The following TLN2 variants were observed in gnomAD, a reference collection of about 807,000 sequenced individuals.
TLN2 encodes talin 2, also known as talin-2.
Under a neutral mutation model 294.7 loss-of-function variants are expected in TLN2, and 118 were observed. The ratio of observed to expected loss-of-function variants is 0.40; its 90% CI spans 0.34 to 0.47. TLN2 has a LOEUF of 0.47. TLN2 is among the 20% of genes least tolerant of loss of function. The probability of loss-of-function intolerance (pLI) is 0.84; values close to 1 mark genes in which losing one functional copy is unlikely to be tolerated. For missense variants in TLN2, 3,083 were observed against 3,282.2 expected, an observed-to-expected ratio of 0.94 and a Z score of 1.48; for synonymous variants, 1,431 against 1,304.5, an observed-to-expected ratio of 1.10 and a Z score of -2.09.
intron 1 of TLN2, among the ~76,000 whole-genome samples, chr15:62,481,824 G>GTC (rs1453386089): frequency 7.6e-6 from 1 of 132,450 alleles, no homozygotes; most frequent in African/African-American, 2.9e-5. Flanking sequence ...TTAAGACGGA[G>GTC]TCTCTCTCTC....
chr15:62,601,822 T>A lies in TLN2; in HGVS notation c.-162+12060T>A, dbSNP rs989812140. Among the ~76,000 whole-genome samples the A allele has an allele frequency of 2.0e-5, 3 of 152,336 alleles. No individual in the cohort carries two copies. In the East Asian group the frequency reaches 5.8e-4, roughly 29 times the overall value. On this transcript the variant is annotated intron_variant, in intron 2 of 58. Coordinates refer to ENST00000636159, the MANE Select transcript of TLN2 (RefSeq NM_015059.3). ...TCCAAAAGAGATCACTGAGACTTTA[T>A]TTCTTTTTTTAGCGTAATTTAATTG...
At chr15:62,581,042 C>T (rs1323484334) in intron 1 of TLN2, among the ~76,000 whole-genome samples, 1 of 152,000 alleles carries the variant, frequency 6.6e-6, no homozygotes, top group Non-Finnish European at 1.5e-5. Flanking sequence ...CACCACCATG[C>T]CCGGCTAATT....
At chr15:62,494,593 C>T (rs919765235) in intron 1 of TLN2, among the ~76,000 whole-genome samples, 2 of 151,980 alleles carry the variant, frequency 1.3e-5, no homozygotes, top group Admixed American at 6.6e-5. Flanking sequence ...TTAAATTGTC[C>T]GTAACTTTTA....
intron 9 of TLN2, 163 bp downstream of exon 9, chr15:62,658,061 G>T (rs959031442): frequency 1.8e-5 from 11 of 627,798 alleles, no homozygotes; most frequent in South Asian, 2.9e-5. Flanking sequence ...TGCAGATTTT[G>T]GGGAAAGCAA....
At chr15:62,833,826 C>T (rs573059795) in intron 55 of TLN2, 197 bp downstream of exon 55, 2 of 637,704 alleles carry the variant, frequency 3.1e-6, no homozygotes, top group East Asian at 3.1e-5. Context: ...GGCTTCTGGG[C>T]CTCTCATCTG....
At chr15:62,781,053 T>TAG in intron 43 of TLN2, 87 bp from the exon 44 acceptor site, 2 of 1,011,632 alleles carry the variant, frequency 2.0e-6, no homozygotes. Flanking sequence ...GCCCTCTCTG[T>TAG]TTTTCAAAGT....
At chr15:62,770,913 A>G (rs769830928) in intron 41 of TLN2, 51 bp from the exon 42 acceptor site, 2 of 1,561,128 alleles carry the variant, frequency 1.3e-6, no homozygotes, top group Non-Finnish European at 1.7e-6. Context: ...CCTGAAGGAG[A>G]CACGTGTATT....
chr15:62,789,483 C>G (rs1334330692), intron 45 of TLN2, among the ~76,000 whole-genome samples: 1 of 152,144 alleles, frequency 6.6e-6, no homozygotes, highest in East Asian at 1.9e-4. Context: ...AGGGGCCGGG[C>G]AGCAGGGCAC....
intron 1 of TLN2, among the ~76,000 whole-genome samples, chr15:62,569,322 A>G (rs1044787121): frequency 6.6e-6 from 1 of 152,206 alleles, no homozygotes; most frequent in Non-Finnish European, 1.5e-5. Context: ...TTCAACTCCT[A>G]CAGGCCAGAG....
At chr15:62,762,736 T>C (rs975902735) in intron 39 of TLN2, among the ~76,000 whole-genome samples, 1 of 152,152 alleles carries the variant, frequency 6.6e-6, no homozygotes, top group African/African-American at 2.4e-5. Flanking sequence ...GATGAAAAAA[T>C]TTAGGCAGAA....
intron 1 of TLN2, among the ~76,000 whole-genome samples, chr15:62,521,294 G>T (rs1250873850): frequency 2.6e-5 from 4 of 152,130 alleles, no homozygotes; most frequent in Non-Finnish European, 2.9e-5. Context: ...CCGTGAGGGT[G>T]GGGGGTACAG....
intron 11 of TLN2, among the ~76,000 whole-genome samples, chr15:62,678,951 A>G (rs1379737385): frequency 2.0e-5 from 3 of 152,038 alleles, no homozygotes; most frequent in Non-Finnish European, 4.4e-5. Flanking sequence ...GGGGAAAATC[A>G]TTGCTTTAGC....
At chr15:62,636,168 T>C (rs183660986) in intron 3 of TLN2, among the ~76,000 whole-genome samples, 106 of 152,228 alleles carry the variant, frequency 7.0e-4, no homozygotes, top group African/African-American at 2.4e-3. Context: ...TTCAGAAGGA[T>C]GGGAAAATTA....
chr15:62,553,059 TTAAAA>T (rs1206456498), intron 1 of TLN2, among the ~76,000 whole-genome samples: 1 of 152,256 alleles, frequency 6.6e-6, no homozygotes, highest in Non-Finnish European at 1.5e-5. Flanking sequence ...ATAAAAACTT[TTAAAA>T]TAAATAATTG....
chr15:62,676,615 A>C (rs112375900), intron 11 of TLN2, among the ~76,000 whole-genome samples: 2,176 of 152,118 alleles, frequency 0.014, 29 homozygotes, highest in Non-Finnish European at 0.023. Flanking sequence ...TACTACTACT[A>C]TCTTCTTTTG....
chr15:62,684,668 T>C (rs1031383098), intron 11 of TLN2, among the ~76,000 whole-genome samples: 4 of 151,908 alleles, frequency 2.6e-5, no homozygotes, highest in African/African-American at 9.7e-5. Context: ...CTTTTCTCTT[T>C]TTGCTTCCAC....
chr15:62,752,202 C>A, intron 34 of TLN2, 103 bp from the exon 35 acceptor site: 1 of 1,433,648 alleles, frequency 7.0e-7, no homozygotes, highest in Non-Finnish European at 9.4e-7. Flanking sequence ...TCAAATGTTC[C>A]AAATTAAGTT....
At position 62,769,519 on chromosome 15, in the gene TLN2, C is replaced by T. The variant is rs576304182; in HGVS notation, c.5197-1445C>T. On this transcript the variant is annotated intron_variant, in intron 41 of 58. Transcript: ENST00000636159. ...CAGCCCTATTCACCAGGTTTGAAAC[C>T]TCTCTGTAAGATAACCATAGAGGAA... Among the ~76,000 whole-genome samples the T allele has an allele frequency of 2.6e-5, 4 of 152,366 alleles. No homozygotes were observed. The South Asian group carries it at 8.3e-4, about 32-fold the overall frequency.
At position 62,792,744 on chromosome 15, in the gene TLN2, C is replaced by G; in HGVS notation, c.5840C>G (p.Thr1947Ser). The change falls in exon 46 of 59, where the codon ACC becomes AGC. Residue 1947 changes from threonine (T) to serine (S), a missense_variant. Thr to Ser is a moderately conservative substitution (Grantham distance 58, BLOSUM62 1). Transcript: ENST00000636159. ...CAGGTCTGCCCCACAGACAGCTACA[C>G]CAAGAGGGAGCTGATCGAATGCGCC... ...ALQVCPTDSY[T>S]KRELIECARA... 6.2e-7 allele frequency: 1 copy of G among 1,614,094 alleles called. No individual in the cohort carries two copies. The highest frequency in any genetic ancestry group is 1.1e-5 in the South Asian group (1 of 91,072).
Sources: gnomAD v4.1 joint callset for allele counts (sites outside exome capture counted in the v4.1 genomes callset) on GRCh38, gnomAD v4.1.1 for gene constraint, MANE v1.5 for transcripts, NCBI Gene and HGNC (gene_info 2026-07-23, HGNC 2026-07-21) for gene names.